Variants in LYRM1 observed in about 807,000 individuals in gnomAD.
The protein encoded by LYRM1 is LYR motif-containing protein 1.
A neutral mutation model predicts 14.9 loss-of-function variants in LYRM1; 14 were observed. The observed-to-expected ratio is 0.94, with a 90% confidence interval of 0.62 to 1.47. The LOEUF is 1.47. Ranked by LOEUF, LYRM1 falls within the 40% of genes most tolerant of loss-of-function variation. The pLI is 0.00. For missense variants in LYRM1, 153 were observed against 149.9 expected, an observed-to-expected ratio of 1.02 and a Z score of -0.11; for synonymous variants, 43 against 56.2, an observed-to-expected ratio of 0.77 and a Z score of 1.05.
At chr16:20,905,277 A>G (rs928257240) in intron 1 of LYRM1, among the ~76,000 whole-genome samples, 1 of 152,212 alleles carries the variant, frequency 6.6e-6, no homozygotes, top group Non-Finnish European at 1.5e-5. Context: ...TACGACTCTG[A>G]AAGGGGTTCT....
intron 1 of LYRM1, among the ~76,000 whole-genome samples, chr16:20,905,908 C>T (rs780277514): frequency 1.3e-5 from 2 of 152,178 alleles, no homozygotes; most frequent in Non-Finnish European, 2.9e-5. Flanking sequence ...CTGGGATCAT[C>T]AGTTGGGAAG....
intron 2 of LYRM1, among the ~76,000 whole-genome samples, chr16:20,919,558 C>T (rs2083081409): frequency 6.6e-6 from 1 of 152,030 alleles, no homozygotes. Flanking sequence ...AGATCCATAG[C>T]GGAATCATTT....
At chr16:20,922,790 AAGG>A (rs1314726452) in intron 3 of LYRM1, among the ~76,000 whole-genome samples, 6 of 152,040 alleles carry the variant, frequency 3.9e-5, no homozygotes, top group Non-Finnish European at 7.4e-5. Context: ...GCCCGGCTGA[AAGG>A]AGATTTATTA....
At chr16:20,912,571 G>A (rs897244394) in intron 1 of LYRM1, among the ~76,000 whole-genome samples, 80 of 151,726 alleles carry the variant, frequency 5.3e-4, no homozygotes, top group African/African-American at 1.8e-3. Flanking sequence ...GCGCCCAGCC[G>A]GCCTTAAATA....
At chr16:20,921,234 C>CAT (rs2083172883) in intron 3 of LYRM1, 1 of 152,152 alleles carries the variant, frequency 6.6e-6, no homozygotes, top group Admixed American at 6.6e-5. Flanking sequence ...GGACTACAAG[C>CAT]ATGTGCCACC....
chr16:20,923,642 T>C (rs2083318674), intron 3 of LYRM1, among the ~76,000 whole-genome samples: 1 of 152,206 alleles, frequency 6.6e-6, no homozygotes, highest in South Asian at 2.1e-4. Flanking sequence ...CTCCCCTTCT[T>C]TGGATTCTCA....
At chr16:20,903,142 G>A in intron 1 of LYRM1, among the ~76,000 whole-genome samples, 1 of 152,204 alleles carries the variant, frequency 6.6e-6, no homozygotes, top group East Asian at 1.9e-4. Context: ...CAAACATATT[G>A]TTCAGCCCAC....
In LYRM1 at chr16:20,920,161, T is replaced by C. The variant is rs2083113322; in HGVS notation, c.199T>C (p.Cys67Arg). Residue 67 changes from cysteine to arginine, a missense_variant, in exon 3 of 4, where the codon TGC becomes CGC. By Grantham distance (180) the Cys-to-Arg change is radical. Transcript: ENST00000567954. ...TDLIKQCIDE[C>R]TARIEIGLHY... The stretch of plus-strand genomic sequence containing the variant: ...CCTAATTAAACAGTGTATAGATGAA[T>C]GCACAGCCAGGATTGAAATTGGACT... The C allele has an allele frequency of 6.2e-7, 1 of 1,614,036 alleles. No homozygotes were observed. Among genetic ancestry groups the C allele is most frequent in the Admixed American group, 1.7e-5 (1 of 60,002 alleles).
At chr16:20,907,568 C>T (rs923533082) in intron 1 of LYRM1, among the ~76,000 whole-genome samples, 1 of 152,054 alleles carries the variant, frequency 6.6e-6, no homozygotes, top group African/African-American at 2.4e-5. Flanking sequence ...CCCCGTGTTG[C>T]CCAGGCTGGT....
In LYRM1 at chr16:20,915,599, G is replaced by C; in HGVS notation, c.44G>C (p.Ser15Thr). The change falls in exon 2 of 4, where the codon AGC becomes ACC. Residue 15 changes from serine to threonine, a missense_variant. Coordinates refer to ENST00000567954, the MANE Select transcript of LYRM1 (RefSeq NM_001128302.3). ...CAAGAAGTCCTTGGCCTCTACCGCA[G>C]CATTTTCAGGCTTGCGAGGAAATGG... is the stretch of plus-strand genomic sequence containing the variant. ...TRQEVLGLYR[S>T]IFRLARKWQA... 7 of 1,614,098 alleles carry C rather than the reference G, an allele frequency of 4.3e-6. No individual in the cohort carries two copies. The highest frequency in any genetic ancestry group is 5.1e-6 in the Non-Finnish European group (6 of 1,180,024).
Position 20,915,537 on chromosome 16 carries a change from T to C in LYRM1, c.1-19T>C. On this transcript the variant is annotated intron_variant, in intron 1 of 3. Transcript: ENST00000567954. ...ATTTTTATGCAAATTTTCCCTCTTC[T>C]ATTTTGGTGGGTCTGAAGATGACAA... 6.2e-7 allele frequency: 1 copy of C among 1,604,524 alleles called. No homozygotes were observed. The highest frequency in any genetic ancestry group is 8.5e-7 in the Non-Finnish European group (1 of 1,173,826).
intron 1 of LYRM1, among the ~76,000 whole-genome samples, chr16:20,915,355 G>T (rs2082823451): frequency 6.6e-6 from 1 of 151,882 alleles, no homozygotes; most frequent in Non-Finnish European, 1.5e-5. Context: ...AGCTACTCGG[G>T]CGGCTGAGGC....
intron 3 of LYRM1, among the ~76,000 whole-genome samples, chr16:20,920,875 G>A (rs1418550382): frequency 1.3e-5 from 2 of 151,632 alleles, no homozygotes; most frequent in Non-Finnish European, 2.9e-5. Flanking sequence ...GTGACAGAGT[G>A]AGACCCTGTC....
At chr16:20,916,703 T>C (rs1432343340) in intron 2 of LYRM1, among the ~76,000 whole-genome samples, 9 of 152,156 alleles carry the variant, frequency 5.9e-5, no homozygotes, top group Admixed American at 5.9e-4. Context: ...GGGTCATCTT[T>C]CTACAGGAGT....
At chr16:20,917,749 C>T (rs1239647058) in intron 2 of LYRM1, among the ~76,000 whole-genome samples, 3 of 152,130 alleles carry the variant, frequency 2.0e-5, no homozygotes, top group African/African-American at 7.2e-5. Flanking sequence ...CAGAGGAAGA[C>T]TCTGTCACCA....
At chr16:20,917,124 CCT>C (rs1343556131) in intron 2 of LYRM1, among the ~76,000 whole-genome samples, 1 of 151,842 alleles carries the variant, frequency 6.6e-6, no homozygotes, top group Non-Finnish European at 1.5e-5. Context: ...TCTCTGAATC[CCT>C]GATGCCTCTA....
At chr16:20,904,388 G>T (rs1285138728) in intron 1 of LYRM1, among the ~76,000 whole-genome samples, 1 of 151,918 alleles carries the variant, frequency 6.6e-6, no homozygotes, top group African/African-American at 2.4e-5. Context: ...GACATTTTTT[G>T]TTTTGGCCCC....
At chr16:20,906,497 C>T (rs1040071732) in intron 1 of LYRM1, among the ~76,000 whole-genome samples, 2 of 152,186 alleles carry the variant, frequency 1.3e-5, no homozygotes, top group African/African-American at 4.8e-5. Flanking sequence ...AGGGGTAGGT[C>T]TTTCCTGAAA....
chr16:20,916,088 T>TGTTGTTG (rs58497850), intron 2 of LYRM1, among the ~76,000 whole-genome samples: 6 of 151,340 alleles, frequency 4.0e-5, no homozygotes, highest in Admixed American at 2.0e-4. Context: ...TGTTGTTTTT[T>TGTTGTTG]TTTTCAATTC....
Sources: gnomAD v4.1 joint callset for allele counts (sites outside exome capture counted in the v4.1 genomes callset) on GRCh38, gnomAD v4.1.1 for gene constraint, MANE v1.5 for transcripts, NCBI Gene and HGNC (gene_info 2026-07-23, HGNC 2026-07-21) for gene names.